Variants in PIGN observed in about 807,000 individuals in gnomAD.
PIGN encodes the protein phosphatidylinositol glycan anchor biosynthesis class N.
Under a neutral mutation model 125.4 loss-of-function variants are expected in PIGN, and 117 were observed. The observed-to-expected ratio is 0.93, with a 90% CI of 0.80 to 1.09. The LOEUF (loss-of-function observed/expected upper bound fraction) is 1.09. PIGN is among the 50% of genes least tolerant of loss of function. PIGN has a pLI of 0.00. For synonymous variants in PIGN, 392 were observed against 377.8 expected (o/e 1.04, Z -0.44); for missense variants, 1,075 against 1,094.9 (o/e 0.98, Z 0.26).
intron 11 of PIGN, among the ~76,000 whole-genome samples, chr18:62,142,260 G>A (rs2036166532): frequency 6.6e-6 from 1 of 152,156 alleles, no homozygotes; most frequent in South Asian, 2.1e-4. Flanking sequence ...GTTAGTAGAA[G>A]GAATGAATAG....
At chr18:62,068,216 G>T (rs1412926610) in intron 30 of PIGN, among the ~76,000 whole-genome samples, 1 of 152,150 alleles carries the variant, frequency 6.6e-6, no homozygotes. Flanking sequence ...GCTATGGAGA[G>T]CCTGTTGATA....
In PIGN at chr18:62,099,251, A is replaced by G. The variant is rs533293373; in HGVS notation, c.2077+1824T>C. On this transcript the variant is annotated intron_variant, in intron 22 of 30. Transcript: ENST00000640252. Reference sequence around the variant, plus strand: ...AGGCTAAAAATAAAGGCAAATGGAAACAGCACGAAATCTAGAGTTGCAATC... The same window carrying G: ...AGGCTAAAAATAAAGGCAAATGGAAGCAGCACGAAATCTAGAGTTGCAATC... Among the ~76,000 whole-genome samples, 3 of 152,272 alleles carry G rather than the reference A, an allele frequency of 2.0e-5. No individual in the cohort carries two copies. In the South Asian group the frequency reaches 6.2e-4, roughly 32 times the overall value.
downstream of PIGN, among the ~76,000 whole-genome samples, chr18:62,038,075 A>G (rs2030283196): frequency 6.6e-6 from 1 of 152,196 alleles, no homozygotes; most frequent in South Asian, 2.1e-4. Context: ...TGTTTTTACT[A>G]CATAATACCA....
At position 62,078,723 on chromosome 18, in the gene PIGN, T is replaced by G. The variant is rs1984326217; in HGVS notation, c.2577-3902A>C. On this transcript the variant is annotated intron_variant, in intron 28 of 30. Coordinates refer to ENST00000640252, the MANE Select transcript of PIGN (RefSeq NM_176787.5). The stretch of plus-strand genomic sequence containing the variant: ...TGGTATTATTTGATCTCCAAGATGT[T>G]TTGAAGCTACTGTGTACCTAGATCC... 8.5e-5 allele frequency among the ~76,000 whole-genome samples: 13 copies of G among 152,342 alleles called. No homozygotes were observed. The South Asian group carries it at 2.3e-3, about 27-fold the overall frequency.
intron 1 of PIGN, among the ~76,000 whole-genome samples, chr18:62,183,843 T>TA (rs11402487): frequency 0.34 from 49,417 of 146,536 alleles, 8,698 homozygotes; most frequent in East Asian, 0.72. Flanking sequence ...GAAAATACTT[T>TA]AAAAAAAAAA....
chr18:62,145,773 G>A lies in PIGN; in HGVS notation c.922+136C>T, dbSNP rs2036304445. The A allele has an allele frequency of 5.2e-6, 3 of 582,356 alleles. No individual in the cohort carries two copies. The South Asian group carries it at 6.5e-5, about 13-fold the overall frequency. 36.1% of individuals were successfully genotyped at this position (582,356 alleles called of 1,614,324 possible). On this transcript the variant is annotated intron_variant, in intron 10 of 30. Coordinates refer to ENST00000640252, the MANE Select transcript of PIGN (RefSeq NM_176787.5). ...AAGCCAACAACCCCTTGTAGTGTTT[G>A]TATAGAAATAGTAATGGCACAAATG...
chr18:62,057,984 C>T (rs2031846953), intron 30 of PIGN, among the ~76,000 whole-genome samples: 1 of 152,190 alleles, frequency 6.6e-6, no homozygotes, highest in Non-Finnish European at 1.5e-5. Flanking sequence ...ACTCTGCAGC[C>T]ATAAAAAGAG....
At chr18:62,061,474 C>T (rs12958384) in intron 30 of PIGN, among the ~76,000 whole-genome samples, 31,222 of 87,156 alleles carry the variant, frequency 0.36, 3,910 homozygotes, top group Non-Finnish European at 0.41. Context: ...CACTGCAGTC[C>T]GCATTCCGGC....
intron 29 of PIGN, among the ~76,000 whole-genome samples, chr18:62,073,831 TG>T (rs2033026565): frequency 6.6e-6 from 1 of 151,270 alleles, no homozygotes; most frequent in Admixed American, 6.6e-5. Context: ...TCTCAGCTAC[TG>T]GGAGGCAATT....
chr18:62,171,940 T>G (rs981833341), intron 1 of PIGN, among the ~76,000 whole-genome samples: 1 of 152,174 alleles, frequency 6.6e-6, no homozygotes, highest in Non-Finnish European at 1.5e-5. Flanking sequence ...TTCTTATATC[T>G]TTCTGTGGTT....
At chr18:62,062,200 C>A (rs1027387219) in intron 30 of PIGN, among the ~76,000 whole-genome samples, 11 of 152,192 alleles carry the variant, frequency 7.2e-5, no homozygotes, top group Non-Finnish European at 1.2e-4. Context: ...CCTGCTCCCC[C>A]CACCTGCAAT....
chr18:62,125,408 G>A (rs957717659), intron 14 of PIGN, among the ~76,000 whole-genome samples: 2 of 151,966 alleles, frequency 1.3e-5, no homozygotes, highest in East Asian at 3.8e-4. Context: ...TTTAATGGTT[G>A]CATAGTCTTT....
chr18:62,020,822 G>A (rs899180171), intron 23 of PIGN, among the ~76,000 whole-genome samples: 2 of 151,794 alleles, frequency 1.3e-5, no homozygotes, highest in Non-Finnish European at 2.9e-5. Flanking sequence ...TTAGCCGGGC[G>A]TGGTAGCAGG....
intron 23 of PIGN, among the ~76,000 whole-genome samples, chr18:62,032,491 T>A (rs1424212330): frequency 6.6e-6 from 1 of 152,234 alleles, no homozygotes. Flanking sequence ...TTCAGGAGCA[T>A]GTTTTCCTAA....
chr18:62,112,835 A>G, intron 16 of PIGN: 1 of 361,898 alleles, frequency 2.8e-6, no homozygotes, highest in Non-Finnish European at 4.9e-6. Context: ...TACTTATAAA[A>G]TGCTAGTTAT....
chr18:62,161,224 T>A lies in PIGN; in HGVS notation c.130A>T (p.Arg44Ter), dbSNP rs570110975. 1 of 1,613,844 alleles carries A rather than the reference T, an allele frequency of 6.2e-7. No homozygotes were observed. The highest frequency in any genetic ancestry group is 1.1e-5 in the South Asian group (1 of 91,080). The change falls in exon 4 of 31, where the codon AGA becomes TGA. Residue 44 changes from arginine (R) to a stop codon, truncating the protein, a stop_gained. Transcript: ENST00000640252. LOFTEE classifies it high-confidence loss of function. ...PQFTPLPPPA[R>*]RLVLFVADGL... is the part of the protein sequence containing the mutation. Reference sequence around the variant, plus strand: ...TCAGCAACAAACAACACTAATCTTCTCGCTGGAGGAGGCAATGGTGTAAAC... The same window carrying A: ...TCAGCAACAAACAACACTAATCTTCACGCTGGAGGAGGCAATGGTGTAAAC...
chr18:62,169,833 G>T (rs905878958), intron 1 of PIGN, among the ~76,000 whole-genome samples: 1 of 151,442 alleles, frequency 6.6e-6, no homozygotes, highest in Non-Finnish European at 1.5e-5. Context: ...ATGTTGCCCA[G>T]GCTGGTCTCG....
At chr18:62,026,760 T>A (rs1349236664) in intron 23 of PIGN, among the ~76,000 whole-genome samples, 2 of 152,196 alleles carry the variant, frequency 1.3e-5, no homozygotes, top group Admixed American at 1.3e-4. Context: ...TCTTGGGAAC[T>A]TGACAGACAT....
intron 23 of PIGN, among the ~76,000 whole-genome samples, chr18:62,092,419 T>C (rs1013407610): frequency 3.9e-4 from 60 of 151,974 alleles, no homozygotes; most frequent in African/African-American, 1.4e-3. Flanking sequence ...CCAAATACAC[T>C]ATATGAGAAG....
Sources: gnomAD v4.1 joint callset for allele counts (sites outside exome capture counted in the v4.1 genomes callset) on GRCh38, gnomAD v4.1.1 for gene constraint, MANE v1.5 for transcripts, NCBI Gene and HGNC (gene_info 2026-07-23, HGNC 2026-07-21) for gene names.